PACS1: variants seen among roughly 807,000 people sequenced by gnomAD.
The protein encoded by PACS1 is phosphofurin acidic cluster sorting protein 1, also known as PACS-1.
Under a neutral mutation model 115.0 loss-of-function variants are expected in PACS1, and 24 were observed. That is an observed-to-expected ratio of 0.21 (90% CI 0.15 to 0.29). PACS1 has a LOEUF of 0.29. Ranked by LOEUF, PACS1 falls within the 10% of genes least tolerant of loss-of-function variation. PACS1 has a pLI of 1.00. For missense variants in PACS1, 838 were observed against 1,251.2 expected (o/e 0.67, Z 4.98); for synonymous variants, 453 against 504.5 (o/e 0.90, Z 1.37).
intron 1 of PACS1, among the ~76,000 whole-genome samples, chr11:66,123,596 A>G (rs1475400107): frequency 6.6e-6 from 1 of 151,604 alleles, no homozygotes; most frequent in Non-Finnish European, 1.5e-5. Flanking sequence ...ATCTCGGCTC[A>G]CTGCAAGCTC....
In PACS1 at chr11:66,243,631, G is replaced by A. The variant is rs528605130; in HGVS notation, c.*351G>A. 1.1e-4 allele frequency: 23 copies of A among 217,342 alleles called. No individual in the cohort carries two copies. The South Asian group carries it at 1.3e-3, about 12-fold the overall frequency. The allele number at this position is 217,342 out of a possible 1,614,324, so 13.5% of individuals were successfully genotyped here. A position where few individuals can be genotyped will look rare whatever the true frequency, so the allele number is the denominator to read the frequency against. On this transcript the variant is annotated 3_prime_UTR_variant, in exon 24 of 24. Coordinates refer to ENST00000320580, the MANE Select transcript of PACS1 (RefSeq NM_018026.4). ...TCCTTGTGGTATCAGTTTCCTTCTCGGAAATGAGAAAGCTGGAATCCTGGT... is the reference window on the plus strand; with the variant it reads ...TCCTTGTGGTATCAGTTTCCTTCTCAGAAATGAGAAAGCTGGAATCCTGGT...
chr11:66,212,918 C>G (rs1365131749), intron 4 of PACS1, among the ~76,000 whole-genome samples: 2 of 152,272 alleles, frequency 1.3e-5, no homozygotes, highest in South Asian at 4.1e-4. Flanking sequence ...GGCACAATCT[C>G]GGCTCACTGC....
chr11:66,121,497 T>C (rs1345562515), intron 1 of PACS1, among the ~76,000 whole-genome samples: 1 of 152,176 alleles, frequency 6.6e-6, no homozygotes, highest in Non-Finnish European at 1.5e-5. Context: ...CAAGACAGGC[T>C]AAAAACCAGG....
At chr11:66,205,844 G>A (rs994982953) in intron 2 of PACS1, among the ~76,000 whole-genome samples, 25 of 151,784 alleles carry the variant, frequency 1.6e-4, no homozygotes, top group African/African-American at 5.8e-4. Context: ...TAAATAAGAA[G>A]CATTTAAAAC....
chr11:66,078,297 G>A (rs892017727), intron 1 of PACS1, among the ~76,000 whole-genome samples: 2 of 152,132 alleles, frequency 1.3e-5, no homozygotes, highest in African/African-American at 4.8e-5. Context: ...TAGTGACCTC[G>A]TATAAATATA....
chr11:66,115,916 C>T (rs1250451532), intron 1 of PACS1, among the ~76,000 whole-genome samples: 1 of 152,180 alleles, frequency 6.6e-6, no homozygotes, highest in Non-Finnish European at 1.5e-5. Flanking sequence ...TTTAAGCTTT[C>T]TTCCTCTTAG....
intron 10 of PACS1, among the ~76,000 whole-genome samples, chr11:66,226,421 T>C (rs1341834669): frequency 6.6e-6 from 1 of 152,154 alleles, no homozygotes; most frequent in Non-Finnish European, 1.5e-5. Context: ...GACATTTTTG[T>C]TTGTCACAAA....
chr11:66,198,209 G>A (rs562168398), intron 2 of PACS1, among the ~76,000 whole-genome samples: 16 of 152,284 alleles, frequency 1.1e-4, no homozygotes, highest in South Asian at 8.3e-4. Flanking sequence ...CACCATGCCC[G>A]GTTCTCAAAA....
chr11:66,231,022 A>G lies in PACS1; in HGVS notation c.1626+82A>G, dbSNP rs1046446464. 48 of 1,518,928 alleles carry G rather than the reference A, an allele frequency of 3.2e-5. No individual in the cohort carries two copies. In the African/African-American group the frequency reaches 6.2e-4, roughly 19 times the overall value. The allele number at this position is 1,518,928 out of a possible 1,614,324, so 94.1% of individuals were successfully genotyped here. A position where few individuals can be genotyped will look rare whatever the true frequency, so the allele number is the denominator to read the frequency against. On this transcript the variant is annotated intron_variant, in intron 13 of 23. Transcript: ENST00000320580. ...CTCTGTTTTGTTGGCTTCCTTGGAC[A>G]GTTAGTTGGAGAGAAGAGGAATACT...
rs1204732209 is a variant in PACS1 at position 66,112,677 on chromosome 11, C to T, written c.356+41835C>T. On this transcript the variant is annotated intron_variant, in intron 1 of 23. Coordinates refer to ENST00000320580, the MANE Select transcript of PACS1 (RefSeq NM_018026.4). Reference sequence around the variant, plus strand: ...TTGTTGAATAAGTGACTGCTTTTCCCGTTGTGCATGGGCCAGTGCCAGGGG... The same window carrying T: ...TTGTTGAATAAGTGACTGCTTTTCCTGTTGTGCATGGGCCAGTGCCAGGGG... Among the ~76,000 whole-genome samples, 6 of 152,058 alleles carry T rather than the reference C, an allele frequency of 3.9e-5. No individual in the cohort carries two copies. In the East Asian group the frequency reaches 5.8e-4, roughly 15 times the overall value.
At chr11:66,140,069 A>T (rs1858942306) in intron 1 of PACS1, among the ~76,000 whole-genome samples, 1 of 152,212 alleles carries the variant, frequency 6.6e-6, no homozygotes, top group African/African-American at 2.4e-5. Context: ...TTTGCTCAAA[A>T]TCCAACTCTG....
intron 1 of PACS1, among the ~76,000 whole-genome samples, chr11:66,163,543 G>A (rs2134629160): frequency 6.6e-6 from 1 of 152,092 alleles, no homozygotes; most frequent in South Asian, 2.1e-4. Context: ...CTGTATTGAG[G>A]TCTCAACAGT....
intron 1 of PACS1, among the ~76,000 whole-genome samples, chr11:66,152,006 C>T (rs1005035353): frequency 1.3e-5 from 2 of 152,098 alleles, no homozygotes; most frequent in Non-Finnish European, 1.5e-5. Flanking sequence ...GTCAAGGCAG[C>T]AGGATCACTT....
intron 1 of PACS1, among the ~76,000 whole-genome samples, chr11:66,175,900 ATT>A (rs1210945078): frequency 6.6e-6 from 1 of 152,024 alleles, no homozygotes; most frequent in Non-Finnish European, 1.5e-5. Context: ...CTCAGATTGA[ATT>A]TTTTTCCTTT....
chr11:66,226,976 C>T (rs547896074), intron 10 of PACS1, among the ~76,000 whole-genome samples: 1 of 152,204 alleles, frequency 6.6e-6, no homozygotes, highest in East Asian at 1.9e-4. Context: ...TAATTTACAC[C>T]TAAATGGCTT....
chr11:66,219,549 A>G, intron 7 of PACS1, 197 bp from the exon 8 acceptor site: 1 of 693,556 alleles, frequency 1.4e-6, no homozygotes, highest in East Asian at 2.8e-5. Context: ...CCGCAGCTGC[A>G]CCCAAGGCCC....
chr11:66,145,413 C>A, intron 1 of PACS1, among the ~76,000 whole-genome samples: 1 of 152,128 alleles, frequency 6.6e-6, no homozygotes. Context: ...TAATGACCCT[C>A]AGTAGCAAGA....
At chr11:66,202,738 AAAAAATATATAT>A (rs1215863300) in intron 2 of PACS1, among the ~76,000 whole-genome samples, 1 of 64,894 alleles carries the variant, frequency 1.5e-5, no homozygotes, top group African/African-American at 6.6e-5. Context: ...AAAAAAAAAA[AAAAAATATATAT>A]ATATATATAT....
intron 1 of PACS1, among the ~76,000 whole-genome samples, chr11:66,101,089 A>G (rs968462674): frequency 6.6e-6 from 1 of 152,214 alleles, no homozygotes; most frequent in Admixed American, 6.5e-5. Flanking sequence ...ATTTATAGAT[A>G]TGTTTTAAGA....
Sources: allele counts gnomAD v4.1 joint callset (sites outside exome capture counted in the v4.1 genomes callset), GRCh38; gene constraint gnomAD v4.1.1; transcripts MANE v1.5; gene names NCBI Gene and HGNC (gene_info 2026-07-23, HGNC 2026-07-21).